JAKMIP1: variants seen among roughly 807,000 people sequenced by gnomAD.
JAKMIP1 encodes janus kinase and microtubule-interacting protein 1.
JAKMIP1 carries 33 observed loss-of-function variants against 113.0 expected under a neutral mutation model. The ratio of observed to expected loss-of-function variants is 0.29; its 90% CI spans 0.22 to 0.39. JAKMIP1 has a LOEUF of 0.39. Among genes scored for constraint, JAKMIP1 ranks in the 10% least tolerant of loss-of-function variants. The pLI, the probability that JAKMIP1 is intolerant of heterozygous loss-of-function variation, is 1.00. For synonymous variants in JAKMIP1, 480 were observed against 459.9 expected (o/e 1.04, Z -0.56); for missense variants, 813 against 1,080.5 (o/e 0.75, Z 3.47).
At chr4:6,058,164 C>T (rs551264355) in intron 11 of JAKMIP1, among the ~76,000 whole-genome samples, 74 of 152,354 alleles carry the variant, frequency 4.9e-4, no homozygotes, top group Middle Eastern at 3.4e-3. Flanking sequence ...GCATGGAGGG[C>T]AGAGCAGGCC....
At chr4:6,126,434 C>T (rs1717648722) in intron 1 of JAKMIP1, among the ~76,000 whole-genome samples, 2 of 104,780 alleles carry the variant, frequency 1.9e-5, no homozygotes. Context: ...CACACACACA[C>T]AAACACACAC....
chr4:6,156,703 T>C lies in JAKMIP1; in HGVS notation c.-148+43550A>G, dbSNP rs896343214. ...TGTGGGAGCTAAAATATCTCCTTCA[T>C]TGAAGGCTGTAGGATGTACAAGAAA... is the stretch of plus-strand genomic sequence containing the variant. On this transcript the variant is annotated intron_variant, in intron 1 of 20. Coordinates refer to ENST00000409021, the MANE Select transcript of JAKMIP1 (RefSeq NM_001099433.2). This position sits in a 1 kb window ranked among gnomAD's most constrained non-coding sequence, Gnocchi z 5.0. 4.6e-5 allele frequency among the ~76,000 whole-genome samples: 7 copies of C among 152,322 alleles called. No homozygotes were observed. The East Asian group carries it at 5.8e-4, about 13-fold the overall frequency.
intron 3 of JAKMIP1, among the ~76,000 whole-genome samples, chr4:6,100,065 T>C (rs575944436): frequency 9.8e-5 from 15 of 152,364 alleles, no homozygotes; most frequent in Admixed American, 6.5e-4. Flanking sequence ...CATTAAACTT[T>C]TATCAATCCT....
At chr4:6,117,183 T>G (rs1205594867) in intron 1 of JAKMIP1, among the ~76,000 whole-genome samples, 2 of 152,158 alleles carry the variant, frequency 1.3e-5, no homozygotes, top group Non-Finnish European at 1.5e-5. Flanking sequence ...GGATTTCCAT[T>G]TCACTGAAGT....
intron 1 of JAKMIP1, among the ~76,000 whole-genome samples, chr4:6,149,353 G>A (rs912319301): frequency 1.3e-5 from 2 of 152,152 alleles, no homozygotes; most frequent in Non-Finnish European, 2.9e-5. Context: ...AGAGACAAGC[G>A]GAGAAGAACT....
Position 6,135,045 on chromosome 4 carries a change from C to G in JAKMIP1, c.-147-22048G>C, listed in dbSNP as rs1719032731. On this transcript the variant is annotated intron_variant, in intron 1 of 20. Transcript: ENST00000409021. This position sits in a 1 kb window ranked among gnomAD's most constrained non-coding sequence, Gnocchi z 4.9. Reference sequence around the variant, plus strand: ...GATGGCAGGTGTAGGGCTCGTGTATCTCTGGTCTGGTATCGTTGGGGCAGA... The same window carrying G: ...GATGGCAGGTGTAGGGCTCGTGTATGTCTGGTCTGGTATCGTTGGGGCAGA... 6.6e-6 allele frequency among the ~76,000 whole-genome samples: 1 copy of G among 152,068 alleles called. No homozygotes were observed. The highest frequency in any genetic ancestry group is 2.4e-5 in the African/African-American group (1 of 41,400).
intron 1 of JAKMIP1, among the ~76,000 whole-genome samples, chr4:6,177,713 A>C (rs1026496637): frequency 6.6e-6 from 1 of 152,104 alleles, no homozygotes; most frequent in Non-Finnish European, 1.5e-5. Context: ...CCATACTAAT[A>C]ATGGCTGCAT....
rs770463960 is a variant in JAKMIP1, at chr4:6,069,816, T to C, written c.1303-4808A>G. On this transcript the variant is annotated intron_variant, in intron 8 of 20. Transcript: ENST00000409021. The surrounding 1 kb of genome is among the most constrained non-coding windows in gnomAD (Gnocchi z 4.5). ...ATGAAGAGTAAACATGTCTCCTCCA[T>C]TTACACTTTGCATATACAGAGGTGC... Among the ~76,000 whole-genome samples, 10 of 151,728 alleles carry C rather than the reference T, an allele frequency of 6.6e-5. No individual in the cohort carries two copies. The highest frequency in any genetic ancestry group is 1.5e-4 in the Non-Finnish European group (10 of 67,996).
At chr4:6,127,110 G>T (rs967667126) in intron 1 of JAKMIP1, among the ~76,000 whole-genome samples, 1 of 152,250 alleles carries the variant, frequency 6.6e-6, no homozygotes, top group African/African-American at 2.4e-5. Flanking sequence ...AGCAATCCCC[G>T]GCCAAGGGAC....
chr4:6,032,086 T>C (rs1423117037), intron 19 of JAKMIP1, among the ~76,000 whole-genome samples: 1 of 152,034 alleles, frequency 6.6e-6, no homozygotes, highest in East Asian at 1.9e-4. Flanking sequence ...GGGCCCCAAA[T>C]GTAGCAGCTG....
At chr4:6,060,664 C>G (rs967500825) in intron 10 of JAKMIP1, among the ~76,000 whole-genome samples, 157 bp from the exon 11 acceptor site, 8 of 152,212 alleles carry the variant, frequency 5.3e-5, no homozygotes, top group African/African-American at 1.7e-4. Context: ...CCTTGGCCTA[C>G]TAGAAGCATG....
intron 1 of JAKMIP1, among the ~76,000 whole-genome samples, chr4:6,125,605 A>C (rs981763406): frequency 1.3e-5 from 2 of 149,948 alleles, no homozygotes; most frequent in Admixed American, 6.6e-5. Context: ...AGAAACACAC[A>C]CACACACACA....
At chr4:6,100,324 C>T (rs529855020) in intron 3 of JAKMIP1, among the ~76,000 whole-genome samples, 1 of 152,188 alleles carries the variant, frequency 6.6e-6, no homozygotes, top group Non-Finnish European at 1.5e-5. Flanking sequence ...CAAATGCAAG[C>T]ATACAATATG....
chr4:6,198,152 C>T (rs1325610191), intron 1 of JAKMIP1, among the ~76,000 whole-genome samples: 2 of 152,230 alleles, frequency 1.3e-5, no homozygotes, highest in African/African-American at 2.4e-5. Context: ...ACTACACAAA[C>T]AAATATCACA....
chr4:6,049,921 C>T lies in JAKMIP1; in HGVS notation c.1909-49G>A, dbSNP rs746547355. 8 of 1,358,460 alleles carry T rather than the reference C, an allele frequency of 5.9e-6. No homozygotes were observed. The East Asian group carries it at 1.6e-4, about 27-fold the overall frequency. The allele number at this position is 1,358,460 out of a possible 1,614,324, so 84.2% of individuals were successfully genotyped here. ...TTTTTGTGTGAGCTACAGAGACCAA[C>T]CATACCAATTTCTAGGGCCACGGCC... On this transcript the variant is annotated intron_variant, in intron 14 of 20. Transcript: ENST00000409021. This position sits in a 1 kb window ranked among gnomAD's most constrained non-coding sequence, Gnocchi z 7.0.
chr4:6,085,815 C>T (rs1362812167), intron 3 of JAKMIP1, among the ~76,000 whole-genome samples, 186 bp from the exon 4 acceptor site: 1 of 152,210 alleles, frequency 6.6e-6, no homozygotes, highest in African/African-American at 2.4e-5. Context: ...CCCCGTCACT[C>T]CCACAAGACA....
At chr4:6,066,937 C>T (rs368084418) in intron 8 of JAKMIP1, among the ~76,000 whole-genome samples, 27 of 152,276 alleles carry the variant, frequency 1.8e-4, no homozygotes, top group South Asian at 8.3e-4. Context: ...GGGGCCTTTG[C>T]GCTCCGAGAC....
intron 16 of JAKMIP1, among the ~76,000 whole-genome samples, chr4:6,047,582 CCT>C (rs1715157581): frequency 6.6e-6 from 1 of 152,244 alleles, no homozygotes; most frequent in African/African-American, 2.4e-5. Flanking sequence ...GAGTTCCAAT[CCT>C]CTCACTGCCT....
chr4:6,164,916 C>T (rs1028255522), intron 1 of JAKMIP1, among the ~76,000 whole-genome samples: 9 of 152,170 alleles, frequency 5.9e-5, no homozygotes, highest in Non-Finnish European at 1.3e-4. Flanking sequence ...ATGGAATCTA[C>T]TCCTGGTAAA....
Sources: gnomAD v4.1 joint callset for allele counts (sites outside exome capture counted in the v4.1 genomes callset) on GRCh38, gnomAD v4.1.1 for gene constraint, Gnocchi (gnomAD v3.1) non-coding constraint, MANE v1.5 for transcripts, NCBI Gene and HGNC (gene_info 2026-07-23, HGNC 2026-07-21) for gene names.